Variants in ZNF83 observed in about 807,000 individuals in gnomAD.
ZNF83 encodes zinc finger protein 816B.
For missense variants in ZNF83, 552 were observed against 629.9 expected (o/e 0.88, Z 1.32); for synonymous variants, 209 against 213.0 (o/e 0.98, Z 0.17).
At chr19:52,681,411 A>C (rs1300229164) in intron 1 of ZNF83, among the ~76,000 whole-genome samples, 1 of 152,164 alleles carries the variant, frequency 6.6e-6, no homozygotes, top group Non-Finnish European at 1.5e-5. Flanking sequence ...ACAAAGTCCA[A>C]TGAATTTGAT....
chr19:52,640,147 T>TAG (rs975757527), upstream of ZNF83, among the ~76,000 whole-genome samples: 2 of 152,214 alleles, frequency 1.3e-5, no homozygotes, highest in Non-Finnish European at 2.9e-5. Context: ...TAGCGACGCG[T>TAG]GCCCTCTCTG....
chr19:52,624,683 G>T (rs1448431930), intron 2 of ZNF83, among the ~76,000 whole-genome samples: 1 of 152,116 alleles, frequency 6.6e-6, no homozygotes, highest in African/African-American at 2.4e-5. Flanking sequence ...CAAGGACCAG[G>T]ACTGCACCCT....
chr19:52,676,834 C>A (rs1320249414), intron 1 of ZNF83, among the ~76,000 whole-genome samples: 1 of 131,572 alleles, frequency 7.6e-6, no homozygotes, highest in Non-Finnish European at 1.6e-5. Flanking sequence ...TACCCCCAAC[C>A]CGGTGCTCTC....
chr19:52,687,657 A>ATAAT (rs780754018), intron 1 of ZNF83, among the ~76,000 whole-genome samples: 1 of 14,972 alleles, frequency 6.7e-5, no homozygotes. Flanking sequence ...ATATATATAT[A>ATAAT]ATGTATATAT....
chr19:52,685,749 T>C (rs939898933), intron 1 of ZNF83, among the ~76,000 whole-genome samples: 1 of 151,714 alleles, frequency 6.6e-6, no homozygotes, highest in East Asian at 1.9e-4. Flanking sequence ...ATACAAAAAA[T>C]GAGCCAGGCA....
At chr19:52,631,699 C>A (rs1467840110) in intron 2 of ZNF83, among the ~76,000 whole-genome samples, 1 of 152,150 alleles carries the variant, frequency 6.6e-6, no homozygotes, top group African/African-American at 2.4e-5. Context: ...GACATTCACA[C>A]CATTTCCCCA....
intron 3 of ZNF83, chr19:52,654,292 A>C: frequency 2.0e-6 from 3 of 1,532,528 alleles, no homozygotes; most frequent in Non-Finnish European, 2.7e-6. Context: ...TGGGAAGCAA[A>C]AATCTCCAAT....
chr19:52,632,841 C>T (rs1162219123), intron 2 of ZNF83, among the ~76,000 whole-genome samples: 2 of 152,056 alleles, frequency 1.3e-5, no homozygotes, highest in Admixed American at 6.5e-5. Flanking sequence ...CTTCCAACAG[C>T]CCCACAATAT....
intron 1 of ZNF83, among the ~76,000 whole-genome samples, chr19:52,679,656 T>C (rs190131845): frequency 1.3e-5 from 2 of 152,186 alleles, no homozygotes; most frequent in African/African-American, 2.4e-5. Context: ...GAAACACTTA[T>C]CAGTCAGTGT....
intron 2 of ZNF83, chr19:52,617,914 C>T (rs926561093): frequency 6.6e-6 from 1 of 152,328 alleles, no homozygotes; most frequent in Admixed American, 6.6e-5. Context: ...GGAAAGAAGA[C>T]ATTACAGATG....
At position 52,663,160 on chromosome 19, in the gene ZNF83, C is replaced by A. The variant is rs531976527; in HGVS notation, c.-282-2317G>T. Among the ~76,000 whole-genome samples the A allele has an allele frequency of 4.6e-5, 7 of 151,640 alleles. No individual in the cohort carries two copies. In the East Asian group the frequency reaches 1.4e-3, roughly 29 times the overall value. On this transcript the variant is annotated intron_variant, in intron 1 of 5. Transcript: ENST00000594682. ...CATGGCTGACAGAGTGACACTCCATCTCAAAAAAGGAAAAAAAAAATTCCA... is the reference window on the plus strand; with the variant it reads ...CATGGCTGACAGAGTGACACTCCATATCAAAAAAGGAAAAAAAAAATTCCA...
At chr19:52,677,708 T>TC (rs5828518) in intron 1 of ZNF83, among the ~76,000 whole-genome samples, 125,616 of 151,800 alleles carry the variant, frequency 0.83, 52,639 homozygotes, top group African/African-American at 0.96. Flanking sequence ...TGAAGAATGA[T>TC]CCCTAGCTGA....
intron 2 of ZNF83, among the ~76,000 whole-genome samples, chr19:52,621,136 G>A (rs1304294972): frequency 1.3e-5 from 2 of 152,180 alleles, no homozygotes; most frequent in Non-Finnish European, 2.9e-5. Context: ...GGGACAGGAG[G>A]ACTCCTTCAG....
intron 1 of ZNF83, among the ~76,000 whole-genome samples, chr19:52,678,800 C>T (rs1024165280): frequency 1.1e-4 from 17 of 151,846 alleles, no homozygotes; most frequent in African/African-American, 4.1e-4. Flanking sequence ...ATAGTGAAAA[C>T]CTGTCTCTAC....
chr19:52,682,251 C>T (rs992524838), intron 1 of ZNF83, among the ~76,000 whole-genome samples: 8 of 152,004 alleles, frequency 5.3e-5, no homozygotes, highest in Non-Finnish European at 1.0e-4. Context: ...GTGTTTTCTA[C>T]GTAACCATGG....
At chr19:52,681,019 T>C (rs951327389) in intron 1 of ZNF83, among the ~76,000 whole-genome samples, 5 of 151,792 alleles carry the variant, frequency 3.3e-5, no homozygotes, top group African/African-American at 1.2e-4. Flanking sequence ...GTGTGGTGGC[T>C]CATGCCTGTA....
At chr19:52,673,979 G>T (rs1280860635) in intron 1 of ZNF83, among the ~76,000 whole-genome samples, 1 of 136,838 alleles carries the variant, frequency 7.3e-6, no homozygotes, top group Non-Finnish European at 1.5e-5. Context: ...TCATGCCACT[G>T]CCCTGCAGCC....
intron 1 of ZNF83, among the ~76,000 whole-genome samples, chr19:52,683,271 TGTGTGTGTG>T (rs1439169090): frequency 1.6e-4 from 15 of 92,174 alleles, no homozygotes; most frequent in Non-Finnish European, 3.8e-4. Flanking sequence ...TGTGTGTGTG[TGTGTGTGTG>T]TATGCTCACG....
intron 3 of ZNF83, chr19:52,652,281 TA>T (rs1377780030): frequency 8.4e-6 from 2 of 236,778 alleles, no homozygotes; most frequent in African/African-American, 4.7e-5. Flanking sequence ...ACTAAAAACA[TA>T]AAAATTAGCC....
Sources: gnomAD v4.1 joint callset for allele counts (sites outside exome capture counted in the v4.1 genomes callset) on GRCh38, gnomAD v4.1.1 for gene constraint, MANE v1.5 for transcripts, NCBI Gene and HGNC (gene_info 2026-07-23, HGNC 2026-07-21) for gene names.